FGD5: variants seen among roughly 807,000 people sequenced by gnomAD.
FGD5 encodes the protein FYVE, RhoGEF and PH domain containing 5.
FGD5 carries 28 observed loss-of-function variants against 133.4 expected under a neutral mutation model. The ratio of observed to expected loss-of-function variants is 0.21; its 90% confidence interval spans 0.16 to 0.29. FGD5 has a LOEUF of 0.29. FGD5 is among the 10% of genes least tolerant of loss of function. The pLI is 1.00. For missense variants in FGD5, 1,858 were observed against 1,895.2 expected, an observed-to-expected ratio of 0.98 and a Z score of 0.36; for synonymous variants, 810 against 776.5, an observed-to-expected ratio of 1.04 and a Z score of -0.72.
In FGD5 at chr3:14,930,213, C is replaced by T. The variant is rs139969554; in HGVS notation, c.4198-2364C>T. On this transcript the variant is annotated intron_variant, in intron 18 of 19. Coordinates refer to ENST00000285046, the MANE Select transcript of FGD5 (RefSeq NM_152536.4). ...GTGTTTCATTCATATATTTACCAATCCTTATGCCAGTACCAAACTGTCACA... is the reference window on the plus strand; with the variant it reads ...GTGTTTCATTCATATATTTACCAATTCTTATGCCAGTACCAAACTGTCACA... Among the ~76,000 whole-genome samples the T allele has an allele frequency of 1.4e-3, 209 of 152,286 alleles. 2 individuals are homozygous for T. The highest frequency in any genetic ancestry group is 2.4e-3 in the Non-Finnish European group (166 of 68,026).
intron 1 of FGD5, among the ~76,000 whole-genome samples, chr3:14,852,512 T>C (rs1328119764): frequency 6.6e-6 from 1 of 152,214 alleles, no homozygotes; most frequent in East Asian, 1.9e-4. Context: ...CACACAACTC[T>C]TTCAAATATA....
chr3:14,848,722 T>C (rs1018938757), intron 1 of FGD5, among the ~76,000 whole-genome samples: 4 of 152,214 alleles, frequency 2.6e-5, no homozygotes, highest in African/African-American at 9.7e-5. Context: ...TACCCACCCA[T>C]GCAAGTGTAG....
chr3:14,917,427 G>A lies in FGD5; in HGVS notation c.3489+95G>A. On this transcript the variant is annotated intron_variant, in intron 12 of 19. Transcript: ENST00000285046. The surrounding 1 kb of genome is among the most constrained non-coding windows in gnomAD (Gnocchi z 4.1). ...CCTGCTCCCAGGAGCACCCAGACCA[G>A]CTGGAAGAGGGAGGCCCTGCGGAAA... 1 of 1,142,236 alleles carries A rather than the reference G, an allele frequency of 8.8e-7. No homozygotes were observed. Among genetic ancestry groups the A allele is most frequent in the Non-Finnish European group, 1.3e-6 (1 of 790,408 alleles). 70.8% of individuals were successfully genotyped at this position (1,142,236 alleles called of 1,614,324 possible).
At chr3:14,878,059 G>A (rs1052278271) in intron 2 of FGD5, among the ~76,000 whole-genome samples, 1 of 152,218 alleles carries the variant, frequency 6.6e-6, no homozygotes, top group African/African-American at 2.4e-5. Flanking sequence ...CTGTGCTGAG[G>A]TTGTGACTTT....
chr3:14,913,795 G>A (rs1263473964), intron 11 of FGD5, among the ~76,000 whole-genome samples: 1 of 152,030 alleles, frequency 6.6e-6, no homozygotes. Context: ...TGGCTCACTG[G>A]CCCTCACACA....
In FGD5 at chr3:14,922,552, A is replaced by G. The variant is rs773355242; in HGVS notation, c.3807+4A>G. 6.5e-7 allele frequency: 1 copy of G among 1,530,950 alleles called. No individual in the cohort carries two copies. The highest frequency in any genetic ancestry group is 8.8e-7 in the Non-Finnish European group (1 of 1,133,832). The allele number at this position is 1,530,950 out of a possible 1,614,324, so 94.8% of individuals were successfully genotyped here. A position where few individuals can be genotyped will look rare whatever the true frequency, so the allele number is the denominator to read the frequency against. Reference sequence around the variant, plus strand: ...TCACTGTCACGCCTGTGGCAAGGTGAGTCGCTGCATCTGGGGTGAGTGTGT... The same window carrying G: ...TCACTGTCACGCCTGTGGCAAGGTGGGTCGCTGCATCTGGGGTGAGTGTGT... On this transcript the variant is annotated splice_donor_region_variant and intron_variant, in intron 15 of 19. Coordinates refer to ENST00000285046, the MANE Select transcript of FGD5 (RefSeq NM_152536.4). This position sits in a 1 kb window ranked among gnomAD's most constrained non-coding sequence, Gnocchi z 4.1.
chr3:14,866,028 G>A (rs1314992660), intron 2 of FGD5, among the ~76,000 whole-genome samples: 6 of 152,294 alleles, frequency 3.9e-5, no homozygotes, highest in African/African-American at 1.4e-4. Context: ...GGTACTGGCC[G>A]CGAGAACGTC....
intron 1 of FGD5, among the ~76,000 whole-genome samples, chr3:14,837,188 C>T (rs888814590): frequency 6.6e-6 from 1 of 152,160 alleles, no homozygotes; most frequent in Non-Finnish European, 1.5e-5. Context: ...CGTGCCCTTG[C>T]CATCTTTATT....
At position 14,917,366 on chromosome 3, in the gene FGD5, G is replaced by T. The variant is rs781705053; in HGVS notation, c.3489+34G>T. The T allele has an allele frequency of 6.3e-7, 1 of 1,588,456 alleles. No homozygotes were observed. Among genetic ancestry groups the T allele is most frequent in the Non-Finnish European group, 8.6e-7 (1 of 1,164,924 alleles). On this transcript the variant is annotated intron_variant, in intron 12 of 19. Coordinates refer to ENST00000285046, the MANE Select transcript of FGD5 (RefSeq NM_152536.4). This position sits in a 1 kb window ranked among gnomAD's most constrained non-coding sequence, Gnocchi z 4.1. ...CTGGTGCCAGGTACCCCCGGGTTGG[G>T]GGACAGGGAGACCCCAGGGGAGAAG...
At chr3:14,838,427 A>G (rs1482516606) in intron 1 of FGD5, among the ~76,000 whole-genome samples, 1 of 152,150 alleles carries the variant, frequency 6.6e-6, no homozygotes, top group Non-Finnish European at 1.5e-5. Flanking sequence ...TGTAGTTTCC[A>G]GGATTAGGGA....
chr3:14,810,971 C>A, intron 1 of FGD5: 2 of 914,040 alleles, frequency 2.2e-6, no homozygotes, highest in Non-Finnish European at 2.6e-6. Flanking sequence ...TGCCCGAAAT[C>A]CTCCGACCTT....
intron 2 of FGD5, among the ~76,000 whole-genome samples, chr3:14,873,785 G>A (rs370945815): frequency 1.3e-5 from 2 of 150,498 alleles, no homozygotes; most frequent in East Asian, 2.0e-4. Context: ...GTAGTGGCAC[G>A]ATCTTGGCTC....
chr3:14,843,751 C>T (rs1290349914), intron 1 of FGD5, among the ~76,000 whole-genome samples: 4 of 134,502 alleles, frequency 3.0e-5, no homozygotes, highest in Admixed American at 8.5e-5. Context: ...GGTGCAGTGG[C>T]GTGATCTCGG....
Position 14,933,395 on chromosome 3 carries a change from T to G in FGD5, c.*228T>G. 1.8e-6 allele frequency: 1 copy of G among 559,894 alleles called. No homozygotes were observed. Among genetic ancestry groups the G allele is most frequent in the Non-Finnish European group, 3.2e-6 (1 of 312,554 alleles). The allele number at this position is 559,894 out of a possible 1,614,324, so 34.7% of individuals were successfully genotyped here. A position where few individuals can be genotyped will look rare whatever the true frequency, so the allele number is the denominator to read the frequency against. On this transcript the variant is annotated 3_prime_UTR_variant, in exon 20 of 20. Transcript: ENST00000285046. ...TCTCCTTTTCTGTGTTTTCCACCCC[T>G]ACCCCCACCCGCCACCCAGTAATAA... is the stretch of plus-strand genomic sequence containing the variant.
intron 1 of FGD5, among the ~76,000 whole-genome samples, chr3:14,857,614 G>A (rs1209373746): frequency 2.0e-5 from 3 of 152,208 alleles, no homozygotes; most frequent in Non-Finnish European, 4.4e-5. Flanking sequence ...CAGATATGAA[G>A]TTGCCTATAA....
At chr3:14,814,487 G>A (rs1221369408), upstream of FGD5, among the ~76,000 whole-genome samples, 1 of 152,068 alleles carries the variant, frequency 6.6e-6, no homozygotes, top group South Asian at 2.1e-4. Context: ...TTTGTGATGC[G>A]GGTGAGTAGG....
intron 4 of FGD5, among the ~76,000 whole-genome samples, chr3:14,893,752 C>CTTTTTTTTTTTT (rs138741627): frequency 9.8e-4 from 93 of 95,062 alleles, no homozygotes; most frequent in South Asian, 1.5e-3. Context: ...TTTCTTTTTT[C>CTTTTTTTTTTTT]TTTTTTTTTT....
intron 13 of FGD5, 64 bp from the exon 14 acceptor site, chr3:14,921,854 G>T: frequency 6.8e-7 from 1 of 1,468,794 alleles, no homozygotes; most frequent in East Asian, 2.5e-5. Flanking sequence ...CCTCATCCAT[G>T]CCGAGATGGA....
chr3:14,884,221 C>T (rs1229758520), intron 4 of FGD5, among the ~76,000 whole-genome samples: 1 of 152,200 alleles, frequency 6.6e-6, no homozygotes, highest in Non-Finnish European at 1.5e-5. Flanking sequence ...TAAAACAAGT[C>T]TCTCCTAGAG....
Sources: allele counts gnomAD v4.1 joint callset (sites outside exome capture counted in the v4.1 genomes callset), GRCh38; gene constraint gnomAD v4.1.1; non-coding constraint Gnocchi (gnomAD v3.1); transcripts MANE v1.5; gene names NCBI Gene and HGNC (gene_info 2026-07-23, HGNC 2026-07-21).